The following COA1 variants were observed in gnomAD, a reference collection of about 807,000 sequenced individuals.
COA1 encodes the protein cytochrome c oxidase assembly factor 1 homolog.
A neutral mutation model predicts 16.0 loss-of-function variants in COA1; 13 were observed. The observed-to-expected ratio is 0.81, with a 90% confidence interval of 0.53 to 1.29. The LOEUF (loss-of-function observed/expected upper bound fraction) is 1.29, where lower values mean the gene tolerates loss of function less well. Ranked by LOEUF, COA1 falls within the 50% of genes most tolerant of loss-of-function variation. COA1 has a pLI of 0.00. For synonymous variants in COA1, 65 were observed against 65.7 expected, an observed-to-expected ratio of 0.99 and a Z score of 0.05; for missense variants, 179 against 177.0, an observed-to-expected ratio of 1.01 and a Z score of -0.06.
intron 1 of COA1, among the ~76,000 whole-genome samples, chr7:43,696,404 G>C (rs1346315133): frequency 6.6e-6 from 1 of 152,140 alleles, no homozygotes; most frequent in Non-Finnish European, 1.5e-5. Context: ...GATTTGGGTA[G>C]GGACACAGAA....
chr7:43,675,572 C>G (rs2093477615), intron 1 of COA1, among the ~76,000 whole-genome samples: 1 of 151,964 alleles, frequency 6.6e-6, no homozygotes, highest in Non-Finnish European at 1.5e-5. Context: ...GCACATTGTG[C>G]ACATGTACCC....
intron 1 of COA1, among the ~76,000 whole-genome samples, chr7:43,712,238 G>T (rs549929258): frequency 6.6e-6 from 1 of 151,946 alleles, no homozygotes; most frequent in Non-Finnish European, 1.5e-5. Flanking sequence ...TCAGCCTCCA[G>T]AGTACCTGGG....
At chr7:43,648,502 G>A in intron 2 of COA1, 98 bp downstream of exon 2, 1 of 1,247,314 alleles carries the variant, frequency 8.0e-7, no homozygotes, top group Non-Finnish European at 1.2e-6. Context: ...ACCAGGAGAA[G>A]CCCATAACTA....
intron 1 of COA1, among the ~76,000 whole-genome samples, chr7:43,694,138 C>T (rs562959288): frequency 2.8e-4 from 41 of 148,604 alleles, no homozygotes; most frequent in African/African-American, 1.0e-3. Flanking sequence ...CACACTAGAT[C>T]CCAGTTCCTT....
intron 1 of COA1, among the ~76,000 whole-genome samples, chr7:43,683,230 G>C (rs2093851419): frequency 6.6e-6 from 1 of 152,092 alleles, no homozygotes; most frequent in African/African-American, 2.4e-5. Flanking sequence ...TTCAAATTAA[G>C]AAAAGTCATA....
intron 6 of COA1, among the ~76,000 whole-genome samples, chr7:43,627,959 A>G (rs1231096644): frequency 6.6e-6 from 1 of 152,062 alleles, no homozygotes; most frequent in Non-Finnish European, 1.5e-5. Flanking sequence ...TGCTTATATC[A>G]GCAGTTTGTT....
chr7:43,707,288 C>T (rs2095026883), intron 1 of COA1, among the ~76,000 whole-genome samples: 1 of 152,114 alleles, frequency 6.6e-6, no homozygotes, highest in Non-Finnish European at 1.5e-5. Context: ...AAGGCATATG[C>T]AAATACTTAC....
At chr7:43,629,923 AACTT>A (rs1158284225) in intron 6 of COA1, among the ~76,000 whole-genome samples, 1 of 152,162 alleles carries the variant, frequency 6.6e-6, no homozygotes, top group African/African-American at 2.4e-5. Context: ...ACTTTTGTGT[AACTT>A]AATTTTGGGT....
chr7:43,716,594 T>G (rs1445272022), intron 1 of COA1, among the ~76,000 whole-genome samples: 1 of 152,074 alleles, frequency 6.6e-6, no homozygotes, highest in Non-Finnish European at 1.5e-5. Context: ...GTTCAGAAAA[T>G]TTACAGCCTG....
chr7:43,663,363 A>T (rs540603891), intron 1 of COA1, among the ~76,000 whole-genome samples: 3 of 152,208 alleles, frequency 2.0e-5, no homozygotes, highest in Non-Finnish European at 2.9e-5. Context: ...AGCAAAATAA[A>T]AACAGCCTAA....
At chr7:43,719,770 T>C (rs895624561) in intron 1 of COA1, among the ~76,000 whole-genome samples, 1 of 152,220 alleles carries the variant, frequency 6.6e-6, no homozygotes, top group South Asian at 2.1e-4. Flanking sequence ...CTGAAATGTA[T>C]GTTTGCTTAC....
At chr7:43,663,681 A>C (rs2092652047) in intron 1 of COA1, among the ~76,000 whole-genome samples, 1 of 149,832 alleles carries the variant, frequency 6.7e-6, no homozygotes, top group East Asian at 1.9e-4. Flanking sequence ...AAAAAAAAAA[A>C]AAAAAAACAC....
At chr7:43,648,273 T>G (rs2089986883) in intron 2 of COA1, 2 of 439,988 alleles carry the variant, frequency 4.5e-6, no homozygotes, top group Non-Finnish European at 4.1e-6. Context: ...GTTCTCATAA[T>G]GAAAACGGTC....
chr7:43,699,790 G>A (rs1033178776), intron 1 of COA1, among the ~76,000 whole-genome samples: 1 of 152,122 alleles, frequency 6.6e-6, no homozygotes, highest in African/African-American at 2.4e-5. Flanking sequence ...TGAGAAATAT[G>A]TTGAAAGAGA....
downstream of COA1, among the ~76,000 whole-genome samples, chr7:43,636,731 T>C (rs753940237): frequency 5.9e-5 from 9 of 152,232 alleles, no homozygotes; most frequent in Admixed American, 2.0e-4. Flanking sequence ...GAATAGGGAA[T>C]GTTTGCAGGC....
chr7:43,638,223 CA>C (rs139059963), downstream of COA1, among the ~76,000 whole-genome samples: 11,300 of 101,980 alleles, frequency 0.11, 520 homozygotes, highest in East Asian at 0.21. Flanking sequence ...TGTTTAAGCT[CA>C]TTTTTTTTTT....
At chr7:43,623,365 T>C in intron 6 of COA1, 1 of 527,582 alleles carries the variant, frequency 1.9e-6, no homozygotes, top group Non-Finnish European at 3.3e-6. Context: ...TCAACAATGG[T>C]GGGTAGAAGT....
At chr7:43,637,832 T>C (rs980541843), downstream of COA1, among the ~76,000 whole-genome samples, 5 of 152,218 alleles carry the variant, frequency 3.3e-5, no homozygotes, top group African/African-American at 1.2e-4. Context: ...ACACTTACTT[T>C]TACTTCAGAA....
intron 1 of COA1, chr7:43,658,963 G>C (rs991325460): frequency 4.6e-5 from 7 of 152,396 alleles, no homozygotes; most frequent in African/African-American, 1.4e-4. Flanking sequence ...GTATGGTAGG[G>C]AGTCTGGATT....
Sources: allele counts gnomAD v4.1 joint callset (sites outside exome capture counted in the v4.1 genomes callset), GRCh38; gene constraint gnomAD v4.1.1; transcripts MANE v1.5; gene names NCBI Gene and HGNC (gene_info 2026-07-23, HGNC 2026-07-21).